AGBL4: variants seen among roughly 807,000 people sequenced by gnomAD.
AGBL4 encodes the protein AGBL carboxypeptidase 4.
AGBL4 carries 58 observed loss-of-function variants against 66.4 expected under a neutral mutation model. That is an observed-to-expected ratio of 0.87 (90% confidence interval 0.71 to 1.09). The LOEUF (loss-of-function observed/expected upper bound fraction) is 1.09. Ranked by LOEUF, AGBL4 falls within the 50% of genes least tolerant of loss-of-function variation. The pLI is 0.00. For missense variants in AGBL4, 579 were observed against 631.0 expected, an observed-to-expected ratio of 0.92 and a Z score of 0.88; for synonymous variants, 234 against 222.9, an observed-to-expected ratio of 1.05 and a Z score of -0.44.
At chr1:49,227,132 A>G (rs1190481800) in intron 4 of AGBL4, among the ~76,000 whole-genome samples, 1 of 152,230 alleles carries the variant, frequency 6.6e-6, no homozygotes, top group Non-Finnish European at 1.5e-5. Flanking sequence ...CATTCAGACC[A>G]TAGAATATTG....
chr1:49,409,143 T>C (rs1645264023), intron 3 of AGBL4, among the ~76,000 whole-genome samples: 1 of 132,592 alleles, frequency 7.5e-6, no homozygotes, highest in African/African-American at 2.8e-5. Flanking sequence ...AACCCCACTC[T>C]CTCTGGCTCT....
intron 3 of AGBL4, among the ~76,000 whole-genome samples, chr1:49,247,215 G>C (rs898208113): frequency 2.0e-5 from 3 of 151,930 alleles, no homozygotes; most frequent in African/African-American, 4.8e-5. Flanking sequence ...AAATTTAATG[G>C]TAATTATTCA....
At chr1:49,811,505 A>G (rs1345798865) in intron 2 of AGBL4, among the ~76,000 whole-genome samples, 1 of 152,210 alleles carries the variant, frequency 6.6e-6, no homozygotes, top group Non-Finnish European at 1.5e-5. Context: ...AATAGAAGAC[A>G]AATTCCCTAA....
intron 5 of AGBL4, among the ~76,000 whole-genome samples, chr1:48,873,043 C>T (rs1330072342): frequency 6.6e-6 from 1 of 152,122 alleles, no homozygotes; most frequent in Non-Finnish European, 1.5e-5. Context: ...TTAAAGCTCT[C>T]CCAGTTTCTA....
chr1:49,106,240 CA>C (rs1645289934), intron 4 of AGBL4, among the ~76,000 whole-genome samples: 1 of 152,158 alleles, frequency 6.6e-6, no homozygotes, highest in Non-Finnish European at 1.5e-5. Flanking sequence ...CTGCCTTTAC[CA>C]AAAGGGTTTT....
At chr1:49,644,522 A>G (rs993429159) in intron 3 of AGBL4, among the ~76,000 whole-genome samples, 1 of 151,620 alleles carries the variant, frequency 6.6e-6, no homozygotes, top group Non-Finnish European at 1.5e-5. Context: ...ATCAAAGTCA[A>G]ATTTTAAAGG....
chr1:49,077,702 A>G (rs1264236321), intron 4 of AGBL4, among the ~76,000 whole-genome samples: 3 of 152,194 alleles, frequency 2.0e-5, no homozygotes, highest in Admixed American at 6.5e-5. Context: ...ATCTATGTAA[A>G]TAAACACTAA....
At chr1:49,476,896 G>A (rs1646857855) in intron 3 of AGBL4, among the ~76,000 whole-genome samples, 1 of 151,992 alleles carries the variant, frequency 6.6e-6, no homozygotes, top group Non-Finnish European at 1.5e-5. Context: ...GAGCCCTTGG[G>A]CCTGAAGATA....
At chr1:49,305,945 C>T (rs904225774) in intron 3 of AGBL4, among the ~76,000 whole-genome samples, 1 of 152,170 alleles carries the variant, frequency 6.6e-6, no homozygotes, top group Non-Finnish European at 1.5e-5. Context: ...CCACCTTGGC[C>T]TCCCAAAGTG....
At chr1:48,660,504 C>G (rs941652730) in intron 7 of AGBL4, among the ~76,000 whole-genome samples, 1 of 152,218 alleles carries the variant, frequency 6.6e-6, no homozygotes, top group Non-Finnish European at 1.5e-5. Flanking sequence ...ACATTTAGGG[C>G]TATGACTGAG....
At chr1:48,846,399 A>AAG (rs751073656) in intron 6 of AGBL4, among the ~76,000 whole-genome samples, 3 of 151,530 alleles carry the variant, frequency 2.0e-5, no homozygotes, top group Non-Finnish European at 2.9e-5. Flanking sequence ...GAAAGAAAGA[A>AAG]AGAAAGAAAG....
intron 3 of AGBL4, among the ~76,000 whole-genome samples, chr1:49,427,591 C>T (rs560921489): frequency 1.1e-4 from 16 of 152,018 alleles, no homozygotes; most frequent in Admixed American, 4.6e-4. Context: ...CAGATGTGTC[C>T]GGAGTTTCTT....
At chr1:49,277,383 G>T (rs1311811133) in intron 3 of AGBL4, among the ~76,000 whole-genome samples, 1 of 152,132 alleles carries the variant, frequency 6.6e-6, no homozygotes, top group Non-Finnish European at 1.5e-5. Flanking sequence ...GGTGTGACAT[G>T]ATATGTTACA....
At chr1:49,903,320 AGAG>A (rs938505139) in intron 1 of AGBL4, among the ~76,000 whole-genome samples, 2 of 152,156 alleles carry the variant, frequency 1.3e-5, no homozygotes, top group African/African-American at 2.4e-5. Context: ...ATGGACATAA[AGAG>A]GAGAACAATA....
chr1:48,917,842 T>C (rs1013117051), intron 5 of AGBL4, among the ~76,000 whole-genome samples: 4 of 152,170 alleles, frequency 2.6e-5, no homozygotes, highest in African/African-American at 7.2e-5. Context: ...CTTCCTACTA[T>C]ATTCATCATT....
chr1:49,671,656 C>T (rs555916484), intron 3 of AGBL4, among the ~76,000 whole-genome samples: 1 of 152,044 alleles, frequency 6.6e-6, no homozygotes, highest in Admixed American at 6.5e-5. Flanking sequence ...AAAACAACCC[C>T]ATTAAAAAGT....
intron 3 of AGBL4, among the ~76,000 whole-genome samples, chr1:49,412,912 TAAG>T (rs1008425084): frequency 6.6e-6 from 1 of 152,088 alleles, no homozygotes; most frequent in Admixed American, 6.6e-5. Context: ...CCAGGCAAGA[TAAG>T]AAGAAGAGGA....
intron 4 of AGBL4, among the ~76,000 whole-genome samples, chr1:49,182,373 G>C (rs1403366574): frequency 1.3e-5 from 2 of 152,194 alleles, no homozygotes; most frequent in Non-Finnish European, 2.9e-5. Flanking sequence ...CAGGGTAAGT[G>C]CTTGATATGC....
intron 3 of AGBL4, among the ~76,000 whole-genome samples, chr1:49,563,435 G>A (rs545226096): frequency 1.3e-5 from 2 of 152,214 alleles, no homozygotes; most frequent in East Asian, 1.9e-4. Context: ...GTATGATATT[G>A]GCTGTGGGTT....
Sources: gnomAD v4.1 joint callset for allele counts (sites outside exome capture counted in the v4.1 genomes callset) on GRCh38, gnomAD v4.1.1 for gene constraint, MANE v1.5 for transcripts, NCBI Gene and HGNC (gene_info 2026-07-23, HGNC 2026-07-21) for gene names.